Variants in KLF12 observed in about 807,000 individuals in gnomAD.
KLF12 encodes KLF transcription factor 12, also known as Krueppel-like factor 12.
A neutral mutation model predicts 37.8 loss-of-function variants in KLF12; 9 were observed. The observed-to-expected ratio is 0.24, with a 90% CI of 0.14 to 0.42. KLF12 has a LOEUF of 0.42. KLF12 is among the 10% of genes least tolerant of loss of function. KLF12 has a pLI of 1.00. For missense variants in KLF12, 411 were observed against 516.0 expected (o/e 0.80, Z 1.97); for synonymous variants, 208 against 202.1 (o/e 1.03, Z -0.25).
At chr13:73,797,062 G>A (rs1275313619) in intron 5 of KLF12, among the ~76,000 whole-genome samples, 1 of 152,126 alleles carries the variant, frequency 6.6e-6, no homozygotes, top group African/African-American at 2.4e-5. Flanking sequence ...TCTGGGTGAT[G>A]GAAATGTTCA....
chr13:74,245,293 TTATCTATCTATCTATCTATC>T, the KLF12 span, among the ~76,000 whole-genome samples: 13 of 149,090 alleles, frequency 8.7e-5, no homozygotes, highest in Non-Finnish European at 1.2e-4. Flanking sequence ...GGAGATAAGT[TTATCTATCTATCTATCTATC>T]TATCTATCTA....
chr13:74,223,095 A>T, the KLF12 span, among the ~76,000 whole-genome samples: 1 of 152,204 alleles, frequency 6.6e-6, no homozygotes, highest in Non-Finnish European at 1.5e-5. Context: ...AAACATCTGG[A>T]TCCTTTTTGT....
chr13:73,757,564 C>T (rs554661300), intron 6 of KLF12, among the ~76,000 whole-genome samples: 23 of 152,208 alleles, frequency 1.5e-4, no homozygotes, highest in Middle Eastern at 3.4e-3. Flanking sequence ...CATGTGTATA[C>T]GGAGAAATCT....
intron 5 of KLF12, among the ~76,000 whole-genome samples, chr13:73,788,017 CTTTA>C (rs1881459517): frequency 6.6e-6 from 1 of 152,092 alleles, no homozygotes; most frequent in South Asian, 2.1e-4. Flanking sequence ...TAAAAACACA[CTTTA>C]TTTAATAAAA....
chr13:74,244,637 C>T, the KLF12 span, among the ~76,000 whole-genome samples: 1 of 152,180 alleles, frequency 6.6e-6, no homozygotes, highest in Non-Finnish European at 1.5e-5. Context: ...ATCTGCCCTC[C>T]ACTGTGGGTT....
At chr13:74,191,989 T>C in the KLF12 span, among the ~76,000 whole-genome samples, 1 of 152,154 alleles carries the variant, frequency 6.6e-6, no homozygotes, top group Non-Finnish European at 1.5e-5. Flanking sequence ...AAATTACCTA[T>C]GTTGACCAGG....
chr13:74,107,133 A>T (rs183856763), intron 1 of KLF12, among the ~76,000 whole-genome samples: 1 of 152,164 alleles, frequency 6.6e-6, no homozygotes, highest in East Asian at 1.9e-4. Flanking sequence ...TGCTCCCTTG[A>T]ATTATTTTAT....
chr13:74,152,816 C>T, the KLF12 span, among the ~76,000 whole-genome samples: 4 of 151,174 alleles, frequency 2.6e-5, no homozygotes, highest in African/African-American at 7.3e-5. Flanking sequence ...CCCGGGGAGT[C>T]GAGGCTGCAG....
the KLF12 span, among the ~76,000 whole-genome samples, chr13:74,241,722 G>T: frequency 5.9e-5 from 9 of 152,180 alleles, no homozygotes; most frequent in Non-Finnish European, 1.2e-4. Flanking sequence ...TCCAGGTGCC[G>T]TCCGTCACCC....
chr13:73,739,270 A>C (rs1877777433), intron 6 of KLF12, among the ~76,000 whole-genome samples: 1 of 119,394 alleles, frequency 8.4e-6, no homozygotes, highest in African/African-American at 2.7e-5. Context: ...AATAATAATA[A>C]TAATAAATGT....
intron 4 of KLF12, among the ~76,000 whole-genome samples, chr13:73,829,093 T>C (rs760235185): frequency 2.0e-5 from 3 of 152,188 alleles, no homozygotes; most frequent in Non-Finnish European, 4.4e-5. Flanking sequence ...ACAGAGCTTG[T>C]CTCACTGTGG....
chr13:73,813,255 G>C lies in KLF12; in HGVS notation c.703C>G (p.Gln235Glu). The C allele has an allele frequency of 6.2e-7, 1 of 1,613,962 alleles. No individual in the cohort carries two copies. The highest frequency in any genetic ancestry group is 2.2e-5 in the East Asian group (1 of 44,876). The change falls in exon 5 of 8, where the codon CAA becomes GAA. Residue 235 changes from glutamine to glutamate, a missense_variant. By Grantham distance (29) the Gln-to-Glu change is conservative. Around this residue, in one of 2 missense-constraint regions of KLF12, gnomAD observed 351 missense variants for 397.8 expected, o/e 0.88. Transcript: ENST00000377669. ...TCATCATCACTGTCACTTTTACTTT[G>C]TCTGGGAGATAGGCCTCGGGGGTCC...
At chr13:74,063,674 C>A (rs1003594227) in intron 1 of KLF12, among the ~76,000 whole-genome samples, 5 of 152,108 alleles carry the variant, frequency 3.3e-5, no homozygotes, top group African/African-American at 9.7e-5. Flanking sequence ...TCACAGCAAA[C>A]TTTAGTGATT....
intron 2 of KLF12, among the ~76,000 whole-genome samples, chr13:73,965,807 T>C (rs140468742): frequency 1.3e-5 from 2 of 152,318 alleles, no homozygotes; most frequent in East Asian, 1.9e-4. Flanking sequence ...GCCCCTATTA[T>C]AACATGCTCT....
chr13:74,241,649 G>A, the KLF12 span, among the ~76,000 whole-genome samples: 3 of 152,198 alleles, frequency 2.0e-5, no homozygotes, highest in African/African-American at 2.4e-5. Flanking sequence ...ATATAATCTC[G>A]TGGTGCGCCG....
intron 7 of KLF12, among the ~76,000 whole-genome samples, chr13:73,699,131 G>T (rs1874355158): frequency 6.6e-6 from 1 of 151,908 alleles, no homozygotes; most frequent in African/African-American, 2.4e-5. Context: ...AGCTGAGGCA[G>T]GAAGATCCCA....
chr13:73,715,363 G>A lies in KLF12; in HGVS notation c.1027+5C>T, dbSNP rs376403638. On this transcript the variant is annotated splice_donor_5th_base_variant and intron_variant, in intron 7 of 7. Coordinates refer to ENST00000377669, the MANE Select transcript of KLF12 (RefSeq NM_007249.5). The stretch of plus-strand genomic sequence containing the variant: ...TCACAGGTGAGAAGCCCTGCAGAGC[G>A]GTACCTGTATGTGTCCTCCGGTGAG... 1.1e-5 allele frequency: 17 copies of A among 1,611,920 alleles called. No individual in the cohort carries two copies. Among genetic ancestry groups the A allele is most frequent in the African/African-American group, 9.4e-5 (7 of 74,852 alleles).
chr13:74,005,649 T>C (rs939304278), intron 1 of KLF12, among the ~76,000 whole-genome samples: 2 of 123,500 alleles, frequency 1.6e-5, no homozygotes, highest in African/African-American at 4.5e-5. Flanking sequence ...CTATGAAGTA[T>C]TACACATGAC....
chr13:74,193,528 G>T, the KLF12 span, among the ~76,000 whole-genome samples: 3 of 152,096 alleles, frequency 2.0e-5, no homozygotes, highest in Admixed American at 6.6e-5. Context: ...TATGCAAACT[G>T]GTTACTGCCA....
Sources: gnomAD v4.1 joint callset for allele counts (sites outside exome capture counted in the v4.1 genomes callset) on GRCh38, gnomAD v4.1.1 for gene constraint, gnomAD v4.1.1 regional missense constraint, MANE v1.5 for transcripts, NCBI Gene and HGNC (gene_info 2026-07-23, HGNC 2026-07-21) for gene names.